AKT3: variants seen among roughly 807,000 people sequenced by gnomAD.
AKT3 encodes RAC-gamma serine/threonine-protein kinase.
A neutral mutation model predicts 65.3 loss-of-function variants in AKT3; 15 were observed. The observed-to-expected ratio is 0.23, with a 90% confidence interval of 0.15 to 0.35. AKT3 has a LOEUF of 0.35. Ranked by LOEUF, AKT3 falls within the 10% of genes least tolerant of loss-of-function variation. AKT3 has a pLI of 1.00. For missense variants in AKT3, 243 were observed against 576.5 expected, an observed-to-expected ratio of 0.42 and a Z score of 5.92; for synonymous variants, 206 against 183.8, an observed-to-expected ratio of 1.12 and a Z score of -0.98.
chr1:243,510,146 G>A (rs578254950), intron 13 of AKT3, among the ~76,000 whole-genome samples: 2 of 152,290 alleles, frequency 1.3e-5, no homozygotes, highest in Non-Finnish European at 2.9e-5. Context: ...CTGAGACTGA[G>A]GAAAGAGACC....
At chr1:243,681,627 C>T (rs935911972) in intron 3 of AKT3, among the ~76,000 whole-genome samples, 8 of 152,130 alleles carry the variant, frequency 5.3e-5, no homozygotes, top group South Asian at 2.1e-4. Flanking sequence ...CTGGGTGATA[C>T]GTGGCATAGC....
At chr1:243,564,615 A>C (rs1674020423) in intron 9 of AKT3, among the ~76,000 whole-genome samples, 1 of 152,138 alleles carries the variant, frequency 6.6e-6, no homozygotes, top group Non-Finnish European at 1.5e-5. Context: ...TAGAAATAAC[A>C]ATGTAACCAG....
chr1:243,710,455 G>A (rs748218552), intron 2 of AKT3, among the ~76,000 whole-genome samples: 12 of 152,094 alleles, frequency 7.9e-5, no homozygotes, highest in South Asian at 2.1e-4. Flanking sequence ...AAAAGTGAGC[G>A]TTATTTTTCT....
intron 5 of AKT3, among the ~76,000 whole-genome samples, chr1:243,638,469 C>T (rs1395480563): frequency 6.6e-6 from 1 of 152,172 alleles, no homozygotes; most frequent in African/African-American, 2.4e-5. Context: ...TTTTCCTGCT[C>T]TGCTCTATCA....
intron 3 of AKT3, among the ~76,000 whole-genome samples, chr1:243,679,297 GA>G (rs1335870683): frequency 6.6e-6 from 1 of 152,162 alleles, no homozygotes; most frequent in Non-Finnish European, 1.5e-5. Flanking sequence ...CACAAGGGTT[GA>G]AGCCCCTAAA....
chr1:243,598,629 A>C (rs1676798165), intron 8 of AKT3, among the ~76,000 whole-genome samples: 1 of 152,204 alleles, frequency 6.6e-6, no homozygotes, highest in Admixed American at 6.5e-5. Context: ...CTGCATCTAC[A>C]GCCGTGCCCT....
intron 6 of AKT3, among the ~76,000 whole-genome samples, chr1:243,636,711 A>T (rs1368170284): frequency 7.2e-5 from 11 of 152,086 alleles, no homozygotes; most frequent in Admixed American, 7.2e-4. Context: ...AATGCCCCTA[A>T]GAGACCAGTA....
chr1:243,517,223 T>C (rs932071358), intron 12 of AKT3, among the ~76,000 whole-genome samples: 5 of 152,224 alleles, frequency 3.3e-5, no homozygotes, highest in African/African-American at 1.2e-4. Context: ...GGAGTTGTTT[T>C]GCTCAACATA....
chr1:243,518,698 G>C (rs1204687810), intron 12 of AKT3, among the ~76,000 whole-genome samples: 2 of 152,114 alleles, frequency 1.3e-5, no homozygotes, highest in African/African-American at 4.8e-5. Flanking sequence ...CCCAACTTCA[G>C]ATTTCATTAC....
intron 2 of AKT3, among the ~76,000 whole-genome samples, chr1:243,742,013 C>G (rs1418823623): frequency 6.7e-6 from 1 of 149,500 alleles, no homozygotes; most frequent in African/African-American, 2.5e-5. Flanking sequence ...CATTCTGAAC[C>G]CATGAGTTTC....
At chr1:243,782,673 CA>C (rs1477657740) in intron 2 of AKT3, among the ~76,000 whole-genome samples, 5 of 152,116 alleles carry the variant, frequency 3.3e-5, no homozygotes, top group Non-Finnish European at 5.9e-5. Flanking sequence ...ATAAATGGAA[CA>C]ATGCTGATGA....
intron 2 of AKT3, among the ~76,000 whole-genome samples, chr1:243,837,556 T>C (rs907013972): frequency 1.3e-5 from 2 of 152,198 alleles, no homozygotes; most frequent in African/African-American, 2.4e-5. Flanking sequence ...ATTGGTAATA[T>C]ATTTTTTTAA....
At chr1:243,701,107 G>A (rs1350541590) in intron 2 of AKT3, among the ~76,000 whole-genome samples, 1 of 152,124 alleles carries the variant, frequency 6.6e-6, no homozygotes, top group South Asian at 2.1e-4. Flanking sequence ...AGCTTAAGTC[G>A]TAAGTGTAAA....
At chr1:243,623,736 A>G (rs1251352614) in intron 6 of AKT3, among the ~76,000 whole-genome samples, 1 of 152,196 alleles carries the variant, frequency 6.6e-6, no homozygotes, top group East Asian at 1.9e-4. Flanking sequence ...GGACGGAGAT[A>G]CGTTACCAGC....
At chr1:243,644,881 G>A (rs1572090089) in intron 5 of AKT3, among the ~76,000 whole-genome samples, 2 of 152,224 alleles carry the variant, frequency 1.3e-5, no homozygotes, top group Admixed American at 1.3e-4. Context: ...GAACAAGGCA[G>A]ATTAAATTGA....
At chr1:243,572,228 G>A (rs1022473485) in intron 9 of AKT3, among the ~76,000 whole-genome samples, 2 of 152,092 alleles carry the variant, frequency 1.3e-5, no homozygotes, top group Non-Finnish European at 1.5e-5. Flanking sequence ...TGAGCCCATC[G>A]CCTATTTTGT....
chr1:243,668,923 T>A (rs1682985313), intron 3 of AKT3, among the ~76,000 whole-genome samples: 1 of 152,180 alleles, frequency 6.6e-6, no homozygotes, highest in Admixed American at 6.5e-5. Context: ...TATATCACAA[T>A]TCAACTTTGT....
chr1:243,727,529 C>A (rs1322239665), intron 2 of AKT3, among the ~76,000 whole-genome samples: 1 of 152,124 alleles, frequency 6.6e-6, no homozygotes, highest in African/African-American at 2.4e-5. Flanking sequence ...GATCCTCCCA[C>A]CTCAGCCTCC....
At chr1:243,543,419 T>A (rs1558602360) in intron 12 of AKT3, among the ~76,000 whole-genome samples, 1 of 150,786 alleles carries the variant, frequency 6.6e-6, no homozygotes, top group Non-Finnish European at 1.5e-5. Context: ...CATTGGTACC[T>A]CAACCATTGT....
Sources: gnomAD v4.1 joint callset for allele counts (sites outside exome capture counted in the v4.1 genomes callset) on GRCh38, gnomAD v4.1.1 for gene constraint, MANE v1.5 for transcripts, NCBI Gene and HGNC (gene_info 2026-07-23, HGNC 2026-07-21) for gene names.